The following ITPRIP variants were observed in gnomAD, a reference collection of about 807,000 sequenced individuals.
ITPRIP encodes the protein inositol 1,4,5-trisphosphate receptor interacting protein, also known as inositol 1,4,5-trisphosphate receptor-interacting protein.
In ITPRIP, 32 loss-of-function variants were observed where a neutral mutation model predicts 35.8. The ratio of observed to expected loss-of-function variants is 0.89; its 90% CI spans 0.68 to 1.20. ITPRIP has a LOEUF of 1.20. Ranked by LOEUF, ITPRIP falls within the 50% of genes most tolerant of loss-of-function variation. ITPRIP has a pLI of 0.00. For synonymous variants in ITPRIP, 358 were observed against 324.0 expected (o/e 1.11, Z -1.13); for missense variants, 653 against 735.6 (o/e 0.89, Z 1.30).
intron 1 of ITPRIP, among the ~76,000 whole-genome samples, chr10:104,324,862 G>A (rs1045853208): frequency 6.6e-6 from 1 of 152,150 alleles, no homozygotes; most frequent in Non-Finnish European, 1.5e-5. Context: ...CACTAATCTG[G>A]ACTTTGTCAA....
Position 104,310,422 on chromosome 10 carries a change from A to C in ITPRIP, c.*3986T>G, listed in dbSNP as rs2013457386. On this transcript the variant is annotated 3_prime_UTR_variant, in exon 2 of 2. Coordinates refer to ENST00000337478, the MANE Select transcript of ITPRIP (RefSeq NM_001272013.2). ...GTGAGGTCCAAATTTACCTTGTATTAGCATTCAAGGCTTTGCATGGTTCAG... is the reference window on the plus strand; with the variant it reads ...GTGAGGTCCAAATTTACCTTGTATTCGCATTCAAGGCTTTGCATGGTTCAG... The C allele has an allele frequency of 6.6e-6, 1 of 152,112 alleles. No homozygotes were observed. The highest frequency in any genetic ancestry group is 6.6e-5 in the Admixed American group (1 of 15,252). The allele number at this position is 152,112 out of a possible 1,614,324, so 9.4% of individuals were successfully genotyped here.
In ITPRIP at chr10:104,313,503, C is replaced by T. The variant is rs547569145; in HGVS notation, c.*905G>A. The T allele has an allele frequency of 3.7e-5, 36 of 985,636 alleles. No homozygotes were observed. The highest frequency in any genetic ancestry group is 1.9e-4 in the South Asian group (4 of 21,286). The allele number at this position is 985,636 out of a possible 1,614,324, so 61.1% of individuals were successfully genotyped here. Reference sequence around the variant, plus strand: ...CAGCTGTCCTTTGCCACAGTCACCCCGTGTGTCTCTTTCTCCAGGTCAGCT... The same window carrying T: ...CAGCTGTCCTTTGCCACAGTCACCCTGTGTGTCTCTTTCTCCAGGTCAGCT... On this transcript the variant is annotated 3_prime_UTR_variant, in exon 2 of 2. Coordinates refer to ENST00000337478, the MANE Select transcript of ITPRIP (RefSeq NM_001272013.2).
chr10:104,322,319 C>T (rs556865869), intron 1 of ITPRIP, among the ~76,000 whole-genome samples: 193 of 152,360 alleles, frequency 1.3e-3, no homozygotes, highest in African/African-American at 4.3e-3. Flanking sequence ...CCCATCTACT[C>T]CCACTGAGGG....
Position 104,313,268 on chromosome 10 carries a change from A to G in ITPRIP, c.*1140T>C, listed in dbSNP as rs1434291257. 2 of 985,530 alleles carry G rather than the reference A, an allele frequency of 2.0e-6. No individual in the cohort carries two copies. The highest frequency in any genetic ancestry group is 1.7e-5 in the African/African-American group (1 of 57,222). 61.0% of individuals were successfully genotyped at this position (985,530 alleles called of 1,614,324 possible). ...CCCTGATCTCTGCAACTTTCTCTGA[A>G]CTGGGCCAGACTGCAAGCCAGACAC... On this transcript the variant is annotated 3_prime_UTR_variant, in exon 2 of 2. Transcript: ENST00000337478.
chr10:104,329,179 T>A (rs1013879742), intron 1 of ITPRIP, among the ~76,000 whole-genome samples: 1 of 151,944 alleles, frequency 6.6e-6, no homozygotes, highest in Admixed American at 6.6e-5. Context: ...CCAGCCCAGC[T>A]GTAAAAAAAA....
chr10:104,331,512 C>T (rs2014149365), intron 1 of ITPRIP, among the ~76,000 whole-genome samples: 3 of 152,154 alleles, frequency 2.0e-5, no homozygotes, highest in Non-Finnish European at 4.4e-5. Context: ...GGGACTCCTG[C>T]ATCAGCTTCA....
chr10:104,330,662 C>A (rs2014130879), intron 1 of ITPRIP, among the ~76,000 whole-genome samples: 1 of 152,214 alleles, frequency 6.6e-6, no homozygotes. Context: ...CCCTGACACA[C>A]CATGGGAGGG....
rs11192007 is a variant in ITPRIP, at chr10:104,326,637, T to C, written c.-13-10573A>G. On this transcript the variant is annotated intron_variant, in intron 1 of 1. Coordinates refer to ENST00000337478, the MANE Select transcript of ITPRIP (RefSeq NM_001272013.2). The surrounding 1 kb of genome is among the most constrained non-coding windows in gnomAD (Gnocchi z 4.8). Reference sequence around the variant, plus strand: ...CTCAGATCCATTCAACTGTGTGGGTTGAATGGCAGCCCTCAAAATATACGT... The same window carrying C: ...CTCAGATCCATTCAACTGTGTGGGTCGAATGGCAGCCCTCAAAATATACGT... 35,808 of 152,154 alleles carry C rather than the reference T, an allele frequency of 0.24. 4,470 individuals are homozygous for C. The highest frequency in any genetic ancestry group is 0.3 in the Middle Eastern group (89 of 294). The allele number at this position is 152,154 out of a possible 1,614,324, so 9.4% of individuals were successfully genotyped here. A position where few individuals can be genotyped will look rare whatever the true frequency, so the allele number is the denominator to read the frequency against.
chr10:104,333,152 A>G lies in ITPRIP; in HGVS notation c.-14+5094T>C, dbSNP rs964011194. On this transcript the variant is annotated intron_variant, in intron 1 of 1. Transcript: ENST00000337478. The surrounding 1 kb of genome is among the most constrained non-coding windows in gnomAD (Gnocchi z 4.1). The stretch of plus-strand genomic sequence containing the variant: ...CCTTACAGATCCAGGCTGCAGGAGG[A>G]CCCCTAAGGAGTCCCGTTCAGAGAA... Among the ~76,000 whole-genome samples the G allele has an allele frequency of 6.6e-6, 1 of 152,016 alleles. No homozygotes were observed. Among genetic ancestry groups the G allele is most frequent in the Non-Finnish European group, 1.5e-5 (1 of 67,998 alleles).
rs760053554 is a variant in ITPRIP, at chr10:104,315,871, G to A, written c.181C>T (p.Arg61Trp). 3 of 1,613,378 alleles carry A rather than the reference G, an allele frequency of 1.9e-6. No individual in the cohort carries two copies. The highest frequency in any genetic ancestry group is 2.2e-5 in the East Asian group (1 of 44,862). Residue 61 changes from arginine to tryptophan, a missense_variant, in exon 2 of 2, where the codon CGG (arginine) becomes TGG (tryptophan). Coordinates refer to ENST00000337478, the MANE Select transcript of ITPRIP (RefSeq NM_001272013.2). This position sits in a 1 kb window ranked among gnomAD's most constrained non-coding sequence, Gnocchi z 5.7. ...EQLRLEEEVA[R>W]LAAEKEALEQ... ...AGTGCCTCCTTTTCGGCCGCCAGCC[G>A]AGCCACCTCCTCCTCCAGGCGCAAC...
Position 104,313,424 on chromosome 10 carries a change from C to A in ITPRIP, c.*984G>T. 1 of 985,962 alleles carries A rather than the reference C, an allele frequency of 1.0e-6. No individual in the cohort carries two copies. The highest frequency in any genetic ancestry group is 4.7e-5 in the South Asian group (1 of 21,330). 61.1% of individuals were successfully genotyped at this position (985,962 alleles called of 1,614,324 possible). On this transcript the variant is annotated 3_prime_UTR_variant, in exon 2 of 2. Coordinates refer to ENST00000337478, the MANE Select transcript of ITPRIP (RefSeq NM_001272013.2). The stretch of plus-strand genomic sequence containing the variant: ...CTCTGCGCACAGCCTCTGGGAGTGC[C>A]ATGGCCTCAGGTGCCTTGTGGTTGC...
rs2013634556 is a variant in ITPRIP, at chr10:104,315,339, T to C, written c.713A>G (p.Gln238Arg). The C allele has an allele frequency of 6.4e-7, 1 of 1,563,760 alleles. No homozygotes were observed. Residue 238 changes from glutamine (Q) to arginine (R), a missense_variant, in exon 2 of 2, where the codon CAG becomes CGG. Transcript: ENST00000337478. The surrounding 1 kb of genome is among the most constrained non-coding windows in gnomAD (Gnocchi z 5.7). ...GACCACCTTGATCTGGCCGTAGCCC[T>C]GGCGATCCAGGGGCACTGAGCGGCC... ...CSGRSVPLDRQGYGQIKVVRA... is the reference protein window; with the variant it reads ...CSGRSVPLDRRGYGQIKVVRA...
In ITPRIP at chr10:104,315,995, G is replaced by T; in HGVS notation, c.57C>A (p.His19Gln). 1 of 1,610,998 alleles carries T rather than the reference G, an allele frequency of 6.2e-7. No individual in the cohort carries two copies. The change falls in exon 2 of 2, where the codon CAC becomes CAA. Residue 19 changes from histidine (H) to glutamine (Q), a missense_variant. Transcript: ENST00000337478. This position sits in a 1 kb window ranked among gnomAD's most constrained non-coding sequence, Gnocchi z 5.7. ...CGTTCTCCCGCGGGAACAGCAGCGG[G>T]TGGTTGATGATGGCCGTCACCACCA... Reference protein sequence around the residue: ...CLVVVTAIINHPLLFPRENAT... With the variant: ...CLVVVTAIINQPLLFPRENAT...
In ITPRIP at chr10:104,315,929, C is replaced by A; in HGVS notation, c.123G>T (p.Met41Ile). ...GCTGCAGCTTCTCCTGGTGCGCCTG[C>A]ATCTTGCGGATGATCTCCTCCTCGT... ...PENEEEIIRK[M>I]QAHQEKLQLE... The change falls in exon 2 of 2, where the codon ATG becomes ATT. Residue 41 changes from methionine (M) to isoleucine (I), a missense_variant. Transcript: ENST00000337478. The surrounding 1 kb of genome is among the most constrained non-coding windows in gnomAD (Gnocchi z 5.7). The A allele has an allele frequency of 6.2e-7, 1 of 1,614,004 alleles. No homozygotes were observed. Among genetic ancestry groups the A allele is most frequent in the Non-Finnish European group, 8.5e-7 (1 of 1,180,022 alleles).
At chr10:104,336,680 G>A (rs2014242731) in intron 1 of ITPRIP, among the ~76,000 whole-genome samples, 1 of 152,076 alleles carries the variant, frequency 6.6e-6, no homozygotes, top group Non-Finnish European at 1.5e-5. Flanking sequence ...CAAAGCTCTG[G>A]GAAGACAGGC....
intron 1 of ITPRIP, among the ~76,000 whole-genome samples, chr10:104,334,165 C>T (rs1272551722): frequency 6.6e-6 from 1 of 152,168 alleles, no homozygotes; most frequent in African/African-American, 2.4e-5. Context: ...AGATGTGGCT[C>T]ATTAAAGATG....
At chr10:104,336,512 G>A (rs1403963638) in intron 1 of ITPRIP, among the ~76,000 whole-genome samples, 10 of 143,708 alleles carry the variant, frequency 7.0e-5, no homozygotes, top group East Asian at 4.1e-4. Flanking sequence ...GGGGGGCAGC[G>A]GGGCATTGGG....
rs2013517916 is a variant in ITPRIP, at chr10:104,312,690, C to T, written c.*1718G>A. 7.1e-6 allele frequency: 7 copies of T among 985,298 alleles called. No individual in the cohort carries two copies. Among genetic ancestry groups the T allele is most frequent in the Non-Finnish European group, 8.4e-6 (7 of 829,920 alleles). 61.0% of individuals were successfully genotyped at this position (985,298 alleles called of 1,614,324 possible). On this transcript the variant is annotated 3_prime_UTR_variant, in exon 2 of 2. Coordinates refer to ENST00000337478, the MANE Select transcript of ITPRIP (RefSeq NM_001272013.2). ...GTTGCCCTGATCACAGCCGAGCTGC[C>T]CCACCAGGAATTAACCCTGGTGGGC... is the stretch of plus-strand genomic sequence containing the variant.
At chr10:104,322,659 G>A (rs893977003) in intron 1 of ITPRIP, among the ~76,000 whole-genome samples, 1 of 152,228 alleles carries the variant, frequency 6.6e-6, no homozygotes, top group African/African-American at 2.4e-5. Flanking sequence ...AAATTGCCAA[G>A]GGCTTGCCCA....
Sources: allele counts gnomAD v4.1 joint callset (sites outside exome capture counted in the v4.1 genomes callset), GRCh38; gene constraint gnomAD v4.1.1; non-coding constraint Gnocchi (gnomAD v3.1); transcripts MANE v1.5; gene names NCBI Gene and HGNC (gene_info 2026-07-23, HGNC 2026-07-21).